Variants in BDNF observed in about 807,000 individuals in gnomAD.
BDNF encodes the protein neurotrophic factor BDNF precursor form.
In BDNF, 1 loss-of-function variant was observed where a neutral mutation model predicts 19.5. The ratio of observed to expected loss-of-function variants is 0.05; its 90% CI spans 0.02 to 0.24. The LOEUF (loss-of-function observed/expected upper bound fraction) is 0.24, where lower values mean the gene tolerates loss of function less well. Ranked by LOEUF, BDNF falls within the 10% of genes least tolerant of loss-of-function variation. BDNF has a pLI of 1.00. For missense variants in BDNF, 195 were observed against 317.6 expected (o/e 0.61, Z 2.93); for synonymous variants, 100 against 121.6 (o/e 0.82, Z 1.17).
chr11:27,708,619 C>T (rs1453344871), intron 1 of BDNF, among the ~76,000 whole-genome samples: 1 of 151,432 alleles, frequency 6.6e-6, no homozygotes, highest in African/African-American at 2.4e-5. Context: ...TTTATAAGAG[C>T]ACAATTTTAG....
intron 1 of BDNF, among the ~76,000 whole-genome samples, chr11:27,660,473 A>G (rs968941370): frequency 6.6e-6 from 1 of 152,182 alleles, no homozygotes; most frequent in South Asian, 2.1e-4. Flanking sequence ...TAGATCGTCC[A>G]TGGGGGTTTC....
In BDNF at chr11:27,720,644, C is replaced by T. The variant is rs949359222; in HGVS notation, c.3+768G>A. On this transcript the variant is annotated intron_variant, in intron 1 of 1. Transcript: ENST00000314915. ...TTTACAGCGGGGCCAAGAAGACTAC[C>T]TGGGGGTACCGCCACCTCGGACAAA... 87 of 985,514 alleles carry T rather than the reference C, an allele frequency of 8.8e-5. 2 individuals are homozygous for T. In the South Asian group the frequency reaches 8.9e-4, roughly 10 times the overall value. The allele number at this position is 985,514 out of a possible 1,614,324, so 61.0% of individuals were successfully genotyped here.
chr11:27,676,208 T>A (rs1330899076), intron 1 of BDNF: 5 of 152,236 alleles, frequency 3.3e-5, no homozygotes, highest in African/African-American at 9.6e-5. Context: ...AGTCCATTCT[T>A]ATGCCCAGGA....
intron 1 of BDNF, chr11:27,721,330 G>T: frequency 6.6e-6 from 10 of 1,504,780 alleles, no homozygotes; most frequent in Admixed American, 1.7e-5. Flanking sequence ...CGTGTGAAGT[G>T]CTAGGAAGAG....
chr11:27,663,621 T>C (rs1475631938), intron 1 of BDNF, among the ~76,000 whole-genome samples: 2 of 152,212 alleles, frequency 1.3e-5, no homozygotes, highest in Non-Finnish European at 2.9e-5. Flanking sequence ...GATGAGGCAA[T>C]TATGCGTCAG....
chr11:27,692,641 C>T (rs942422261), intron 1 of BDNF, among the ~76,000 whole-genome samples: 1 of 152,170 alleles, frequency 6.6e-6, no homozygotes, highest in African/African-American at 2.4e-5. Flanking sequence ...CCACACCAGA[C>T]CTCTTTTTTC....
chr11:27,684,609 AG>A (rs1237486612), intron 1 of BDNF, among the ~76,000 whole-genome samples: 8 of 152,196 alleles, frequency 5.3e-5, no homozygotes, highest in Non-Finnish European at 1.2e-4. Context: ...TTTAGCATGA[AG>A]GGCTGTTGAA....
chr11:27,714,990 A>G (rs1479308827), intron 1 of BDNF, among the ~76,000 whole-genome samples: 6 of 152,200 alleles, frequency 3.9e-5, no homozygotes, highest in Non-Finnish European at 7.3e-5. Context: ...TGGAGCAAAT[A>G]AAGAGACCAG....
upstream of BDNF, among the ~76,000 whole-genome samples, chr11:27,702,796 C>T (rs1422696703): frequency 6.6e-6 from 1 of 152,198 alleles, no homozygotes; most frequent in Non-Finnish European, 1.5e-5. Context: ...ATCCGATCCT[C>T]TGCCAGGAAA....
At chr11:27,688,564 C>G (rs867396920) in intron 1 of BDNF, among the ~76,000 whole-genome samples, 11 of 152,346 alleles carry the variant, frequency 7.2e-5, no homozygotes, top group South Asian at 2.1e-4. Context: ...ATCTCCTGGT[C>G]TGCCGGCTGC....
intron 1 of BDNF, among the ~76,000 whole-genome samples, chr11:27,698,793 C>T (rs2134072587): frequency 6.6e-6 from 1 of 152,236 alleles, no homozygotes. Context: ...AACATTCCTG[C>T]GTGCTTGTCG....
chr11:27,690,953 A>G (rs954555450), intron 1 of BDNF, among the ~76,000 whole-genome samples: 1 of 152,156 alleles, frequency 6.6e-6, no homozygotes, highest in African/African-American at 2.4e-5. Context: ...TCTTTGATTC[A>G]GTAGTTCTCC....
chr11:27,700,881 C>G, upstream of BDNF: 1 of 1,291,870 alleles, frequency 7.7e-7, no homozygotes, highest in South Asian at 1.3e-5. Context: ...CGAGGTCTCG[C>G]TCCCCTAGCT....
upstream of BDNF, among the ~76,000 whole-genome samples, chr11:27,704,513 C>G (rs1222759756): frequency 6.6e-6 from 1 of 152,000 alleles, no homozygotes; most frequent in Admixed American, 6.6e-5. Flanking sequence ...ATTTAAGCTT[C>G]CTAGTTACTC....
chr11:27,710,812 T>G (rs938233834), intron 1 of BDNF, among the ~76,000 whole-genome samples: 8 of 152,168 alleles, frequency 5.3e-5, no homozygotes, highest in African/African-American at 1.9e-4. Flanking sequence ...TCCAAACAAT[T>G]TATAACATTT....
upstream of BDNF, among the ~76,000 whole-genome samples, chr11:27,705,224 G>T (rs908009010): frequency 6.6e-6 from 1 of 152,208 alleles, no homozygotes; most frequent in Non-Finnish European, 1.5e-5. Flanking sequence ...GGTCAAAAGG[G>T]ATGTGAGATT....
intron 1 of BDNF, among the ~76,000 whole-genome samples, chr11:27,676,324 A>C (rs1856106499): frequency 6.6e-6 from 1 of 152,200 alleles, no homozygotes; most frequent in African/African-American, 2.4e-5. Context: ...TGGCCCTGTC[A>C]AAATTCTATA....
intron 1 of BDNF, chr11:27,674,907 T>C: frequency 2.2e-6 from 2 of 894,340 alleles, no homozygotes; most frequent in Non-Finnish European, 2.7e-6. Flanking sequence ...TGTTTCTCTT[T>C]GTATTAAACT....
intron 1 of BDNF, among the ~76,000 whole-genome samples, chr11:27,669,904 ACT>A (rs1314742561): frequency 3.3e-4 from 50 of 151,980 alleles, no homozygotes; most frequent in Admixed American, 5.9e-4. Flanking sequence ...TTGGAAAAAA[ACT>A]ACTTTAAAGT....
Sources: allele counts gnomAD v4.1 joint callset (sites outside exome capture counted in the v4.1 genomes callset), GRCh38; gene constraint gnomAD v4.1.1; transcripts MANE v1.5; gene names NCBI Gene and HGNC (gene_info 2026-07-23, HGNC 2026-07-21).